The following CA10 variants were observed in gnomAD, a reference collection of about 807,000 sequenced individuals.
The protein encoded by CA10 is carbonic anhydrase 10 (inactive).
A neutral mutation model predicts 44.2 loss-of-function variants in CA10; 14 were observed. That is an observed-to-expected ratio of 0.32 (90% CI 0.21 to 0.50). The LOEUF (loss-of-function observed/expected upper bound fraction) is 0.50. Among genes scored for constraint, CA10 ranks in the 20% least tolerant of loss-of-function variants. The pLI is 0.99. For missense variants in CA10, 350 were observed against 409.7 expected, an observed-to-expected ratio of 0.85 and a Z score of 1.26; for synonymous variants, 159 against 141.6, an observed-to-expected ratio of 1.12 and a Z score of -0.87.
intron 3 of CA10, among the ~76,000 whole-genome samples, chr17:51,914,213 C>A (rs577611441): frequency 1.3e-5 from 2 of 152,068 alleles, no homozygotes; most frequent in East Asian, 3.9e-4. Context: ...GGTCTGTCCT[C>A]ATTTCACAGT....
chr17:51,993,992 TATTTAA>T (rs1215609400), intron 2 of CA10, among the ~76,000 whole-genome samples: 29 of 152,196 alleles, frequency 1.9e-4, no homozygotes, highest in African/African-American at 6.3e-4. Flanking sequence ...AATAGGTACA[TATTTAA>T]TATCATGTGG....
chr17:52,151,498 T>C (rs1011426118), intron 1 of CA10, among the ~76,000 whole-genome samples: 12 of 152,278 alleles, frequency 7.9e-5, no homozygotes, highest in African/African-American at 2.6e-4. Flanking sequence ...GTATACTTTA[T>C]ACACATTTCT....
intron 1 of CA10, among the ~76,000 whole-genome samples, chr17:52,098,521 A>G (rs1357311810): frequency 6.6e-6 from 1 of 152,254 alleles, no homozygotes. Context: ...GTTATCTGAC[A>G]ACAGTGTCAC....
At chr17:51,866,478 A>T (rs1249100310) in intron 3 of CA10, among the ~76,000 whole-genome samples, 2 of 152,198 alleles carry the variant, frequency 1.3e-5, no homozygotes, top group Non-Finnish European at 2.9e-5. Flanking sequence ...CCAAAAGCAG[A>T]CCATGCTTCC....
rs575140622 is a variant in CA10 at position 52,088,406 on chromosome 17, T to C, written c.62-16013A>G. Among the ~76,000 whole-genome samples the C allele has an allele frequency of 3.3e-5, 5 of 152,290 alleles. No homozygotes were observed. The South Asian group carries it at 1.0e-3, about 32-fold the overall frequency. On this transcript the variant is annotated intron_variant, in intron 1 of 8. Coordinates refer to ENST00000451037, the MANE Select transcript of CA10 (RefSeq NM_020178.5). ...AATGAGATTCTGTCTTGTTGGCTTATAGAAAAGTGACTCTAGAGGAGTATG... is the reference window on the plus strand; with the variant it reads ...AATGAGATTCTGTCTTGTTGGCTTACAGAAAAGTGACTCTAGAGGAGTATG...
intron 3 of CA10, among the ~76,000 whole-genome samples, chr17:51,815,332 T>C (rs1907522799): frequency 6.6e-6 from 1 of 152,152 alleles, no homozygotes; most frequent in African/African-American, 2.4e-5. Flanking sequence ...GGGTTGCGTG[T>C]CCAATTATTG....
chr17:51,924,008 AT>A (rs1320160230), intron 3 of CA10, among the ~76,000 whole-genome samples: 1 of 152,176 alleles, frequency 6.6e-6, no homozygotes, highest in Admixed American at 6.6e-5. Context: ...TATCTATAGT[AT>A]ATTTGTCTTA....
chr17:51,831,078 A>T (rs1391154366), intron 3 of CA10, among the ~76,000 whole-genome samples: 16 of 152,204 alleles, frequency 1.1e-4, no homozygotes, highest in Admixed American at 1.0e-3. Context: ...TCTGAGATTC[A>T]TCACGGAAGA....
intron 3 of CA10, among the ~76,000 whole-genome samples, chr17:51,888,308 G>C (rs1419499325): frequency 6.6e-6 from 1 of 152,114 alleles, no homozygotes; most frequent in African/African-American, 2.4e-5. Flanking sequence ...GAGTTTTCCA[G>C]ACAAAATAAG....
At chr17:52,098,309 T>C (rs982060181) in intron 1 of CA10, among the ~76,000 whole-genome samples, 1 of 152,210 alleles carries the variant, frequency 6.6e-6, no homozygotes, top group African/African-American at 2.4e-5. Flanking sequence ...CTACATTTTT[T>C]GAAAAAATTG....
At chr17:52,049,269 C>A (rs1006024063) in intron 2 of CA10, among the ~76,000 whole-genome samples, 1 of 152,070 alleles carries the variant, frequency 6.6e-6, no homozygotes, top group Non-Finnish European at 1.5e-5. Flanking sequence ...GTGAATTCTG[C>A]AGCTGGACTG....
In CA10 at chr17:51,858,168, C is replaced by A. The variant is rs148394251; in HGVS notation, c.279+72822G>T. 3.3e-5 allele frequency among the ~76,000 whole-genome samples: 5 copies of A among 151,678 alleles called. No homozygotes were observed. In the East Asian group the frequency reaches 9.7e-4, roughly 29 times the overall value. On this transcript the variant is annotated intron_variant, in intron 3 of 8. Coordinates refer to ENST00000451037, the MANE Select transcript of CA10 (RefSeq NM_020178.5). The stretch of plus-strand genomic sequence containing the variant: ...TAAGTTTCAGAATTCTAGGTGGGCA[C>A]CTGGAATCTTCCACTTGTAGTTTTC...
intron 3 of CA10, chr17:51,761,428 C>T (rs892566165): frequency 6.6e-6 from 1 of 152,112 alleles, no homozygotes; most frequent in African/African-American, 2.4e-5. Flanking sequence ...AAATTATAAA[C>T]CTCTTAATAT....
intron 1 of CA10, among the ~76,000 whole-genome samples, chr17:52,112,445 G>T (rs1988806174): frequency 6.6e-6 from 1 of 152,188 alleles, no homozygotes; most frequent in Non-Finnish European, 1.5e-5. Context: ...CAACAGTGGA[G>T]CTGAATAGGT....
intron 4 of CA10, among the ~76,000 whole-genome samples, chr17:51,706,079 G>A (rs149773576): frequency 3.3e-5 from 5 of 152,306 alleles, no homozygotes; most frequent in East Asian, 1.9e-4. Flanking sequence ...GAGTAGCTGC[G>A]CAGTGCTGGG....
At chr17:52,009,732 A>G (rs1199990285) in intron 2 of CA10, among the ~76,000 whole-genome samples, 1 of 152,090 alleles carries the variant, frequency 6.6e-6, no homozygotes, top group African/African-American at 2.4e-5. Context: ...CAAATTCAAC[A>G]AAAACAAAGA....
intron 2 of CA10, among the ~76,000 whole-genome samples, chr17:52,008,518 C>T (rs1035860485): frequency 6.6e-6 from 1 of 151,736 alleles, no homozygotes; most frequent in African/African-American, 2.4e-5. Flanking sequence ...TAATGGAGTA[C>T]TCTGCTAGAG....
chr17:51,806,378 A>G (rs1211422582), intron 3 of CA10, among the ~76,000 whole-genome samples: 3 of 152,200 alleles, frequency 2.0e-5, no homozygotes, highest in Admixed American at 2.0e-4. Context: ...AGCTCAATTT[A>G]CACTTTCATT....
At chr17:52,033,371 A>G (rs2144177261) in intron 2 of CA10, among the ~76,000 whole-genome samples, 1 of 152,328 alleles carries the variant, frequency 6.6e-6, no homozygotes, top group Non-Finnish European at 1.5e-5. Context: ...ATATCACCGA[A>G]GTGTCTAATA....
Sources: allele counts gnomAD v4.1 joint callset (sites outside exome capture counted in the v4.1 genomes callset), GRCh38; gene constraint gnomAD v4.1.1; transcripts MANE v1.5; gene names NCBI Gene and HGNC (gene_info 2026-07-23, HGNC 2026-07-21).